TNS3: variants seen among roughly 807,000 people sequenced by gnomAD.
The protein encoded by TNS3 is tensin-3.
TNS3 carries 45 observed loss-of-function variants against 140.9 expected under a neutral mutation model. That is an observed-to-expected ratio of 0.32 (90% confidence interval 0.25 to 0.41). The LOEUF is 0.41. TNS3 is among the 10% of genes least tolerant of loss of function. TNS3 has a pLI of 1.00. For synonymous variants in TNS3, 815 were observed against 788.4 expected, an observed-to-expected ratio of 1.03 and a Z score of -0.56; for missense variants, 1,716 against 1,906.7, an observed-to-expected ratio of 0.90 and a Z score of 1.86.
chr7:47,325,025 T>G (rs1320513199), intron 20 of TNS3, among the ~76,000 whole-genome samples: 3 of 151,950 alleles, frequency 2.0e-5, no homozygotes, highest in African/African-American at 7.3e-5. Flanking sequence ...CTGGGAAAAC[T>G]ATCAAGGGAA....
intron 2 of TNS3, among the ~76,000 whole-genome samples, chr7:47,507,595 G>A (rs371096705): frequency 3.3e-5 from 5 of 152,070 alleles, no homozygotes; most frequent in Admixed American, 6.6e-5. Context: ...GTGTCCCTTC[G>A]GAGGCCCTAA....
At chr7:47,570,174 T>C (rs749523473) in intron 1 of TNS3, among the ~76,000 whole-genome samples, 1 of 152,092 alleles carries the variant, frequency 6.6e-6, no homozygotes, top group African/African-American at 2.4e-5. Context: ...AATAAATAAA[T>C]AAACATTACA....
chr7:47,426,038 C>T (rs57122522), intron 9 of TNS3, among the ~76,000 whole-genome samples: 9,260 of 151,838 alleles, frequency 0.061, 623 homozygotes, highest in African/African-American at 0.16. Context: ...AAAACACACA[C>T]TTAGGAGGCT....
intron 3 of TNS3, among the ~76,000 whole-genome samples, chr7:47,499,132 G>A (rs1453637117): frequency 6.6e-6 from 1 of 152,234 alleles, no homozygotes; most frequent in Non-Finnish European, 1.5e-5. Context: ...GTGGCTTGCT[G>A]ACTTTGAGAG....
chr7:47,559,484 G>A (rs886133863), intron 1 of TNS3, among the ~76,000 whole-genome samples: 14 of 152,210 alleles, frequency 9.2e-5, no homozygotes, highest in African/African-American at 3.4e-4. Context: ...CCCTTGGCGA[G>A]TTCCAAGAAC....
At position 47,396,847 on chromosome 7, in the gene TNS3, G is replaced by A; in HGVS notation, c.977C>T (p.Pro326Leu). 6.2e-7 allele frequency: 1 copy of A among 1,614,166 alleles called. No individual in the cohort carries two copies. Residue 326 changes from proline (P) to leucine (L), a missense_variant, in exon 16 of 31, where the codon CCA becomes CTA. Transcript: ENST00000311160. The stretch of plus-strand genomic sequence containing the variant: ...CTCGTACGAGTCCCAGCGTATCAGT[G>A]GGTCTGTTGTGTTGTAGTCCACAAT... ...GVIVDYNTTD[P>L]LIRWDSYENL...
At chr7:47,456,362 T>C (rs1796246049) in intron 4 of TNS3, among the ~76,000 whole-genome samples, 1 of 152,144 alleles carries the variant, frequency 6.6e-6, no homozygotes, top group Admixed American at 6.5e-5. Flanking sequence ...AAAACCTCTA[T>C]TAAACATTCA....
At chr7:47,406,526 G>T (rs1421051065) in intron 13 of TNS3, among the ~76,000 whole-genome samples, 1 of 152,180 alleles carries the variant, frequency 6.6e-6, no homozygotes, top group African/African-American at 2.4e-5. Context: ...AACCACGGAG[G>T]GGAAAACTCA....
Position 47,407,855 on chromosome 7 carries a change from C to T in TNS3, c.723+3872G>A, listed in dbSNP as rs995975323. Among the ~76,000 whole-genome samples the T allele has an allele frequency of 6.6e-6, 1 of 152,186 alleles. No homozygotes were observed. Among genetic ancestry groups the T allele is most frequent in the Non-Finnish European group, 1.5e-5 (1 of 68,032 alleles). On this transcript the variant is annotated intron_variant, in intron 13 of 30. Transcript: ENST00000311160. The surrounding 1 kb of genome is among the most constrained non-coding windows in gnomAD (Gnocchi z 4.1). ...TCAGGAGAAACCACCCTGCCCACAC[C>T]TGGATCTCAGGCTCCCAGCCTCCAG...
intron 4 of TNS3, among the ~76,000 whole-genome samples, chr7:47,443,803 C>T (rs933203116): frequency 2.0e-5 from 3 of 152,146 alleles, no homozygotes; most frequent in African/African-American, 7.2e-5. Flanking sequence ...CACCTGTAAT[C>T]CTAGCTACTC....
chr7:47,422,103 T>C (rs1241588624), intron 10 of TNS3, among the ~76,000 whole-genome samples: 1 of 152,182 alleles, frequency 6.6e-6, no homozygotes, highest in Non-Finnish European at 1.5e-5. Context: ...CATTCATTCG[T>C]TTACATGCTC....
chr7:47,358,416 C>T (rs577263216), intron 17 of TNS3, among the ~76,000 whole-genome samples: 2 of 152,340 alleles, frequency 1.3e-5, no homozygotes, highest in South Asian at 4.1e-4. Context: ...GGATTACAGG[C>T]ATGAGCCACC....
intron 2 of TNS3, among the ~76,000 whole-genome samples, chr7:47,509,165 T>C (rs553779588): frequency 1.3e-5 from 2 of 152,216 alleles, no homozygotes; most frequent in African/African-American, 2.4e-5. Flanking sequence ...GATACATTCA[T>C]GGTGGGTGGC....
intron 8 of TNS3, among the ~76,000 whole-genome samples, chr7:47,433,674 T>A (rs1182790501): frequency 6.6e-6 from 1 of 152,208 alleles, no homozygotes; most frequent in African/African-American, 2.4e-5. Flanking sequence ...GGTCTGGGTG[T>A]GCCCTAGAAC....
chr7:47,386,859 G>A lies in TNS3; in HGVS notation c.1024+9941C>T, dbSNP rs577153173. 2.6e-5 allele frequency among the ~76,000 whole-genome samples: 4 copies of A among 152,318 alleles called. No individual in the cohort carries two copies. In the South Asian group the frequency reaches 8.3e-4, roughly 32 times the overall value. ...TATCAACCCTGTTTTTCAAGAAATA[G>A]CTGGATGTTTTACATAAAATATCCC... is the stretch of plus-strand genomic sequence containing the variant. On this transcript the variant is annotated intron_variant, in intron 16 of 30. Transcript: ENST00000311160.
intron 1 of TNS3, among the ~76,000 whole-genome samples, chr7:47,539,798 A>C (rs1178008542): frequency 6.6e-6 from 1 of 152,204 alleles, no homozygotes; most frequent in Non-Finnish European, 1.5e-5. Flanking sequence ...CACAGCACCA[A>C]GCAGGAGCAA....
chr7:47,552,832 G>A (rs1800099241), intron 1 of TNS3, among the ~76,000 whole-genome samples: 2 of 152,220 alleles, frequency 1.3e-5, no homozygotes, highest in Admixed American at 6.5e-5. Flanking sequence ...GAAGGCATGT[G>A]CTCAGACAGG....
intron 3 of TNS3, among the ~76,000 whole-genome samples, chr7:47,496,526 C>A (rs1798012676): frequency 6.6e-6 from 1 of 152,154 alleles, no homozygotes; most frequent in Admixed American, 6.5e-5. Context: ...GCCAATCAGC[C>A]CGCTGCACCC....
intron 8 of TNS3, among the ~76,000 whole-genome samples, chr7:47,433,875 G>T (rs932595863): frequency 9.2e-6 from 1 of 108,448 alleles, no homozygotes; most frequent in Non-Finnish European, 1.9e-5. Context: ...TTAAAAGTCC[G>T]TCTGTCTATC....
Sources: gnomAD v4.1 joint callset for allele counts (sites outside exome capture counted in the v4.1 genomes callset) on GRCh38, gnomAD v4.1.1 for gene constraint, Gnocchi (gnomAD v3.1) non-coding constraint, MANE v1.5 for transcripts, NCBI Gene and HGNC (gene_info 2026-07-23, HGNC 2026-07-21) for gene names.